KCNIP4: variants seen among roughly 807,000 people sequenced by gnomAD.
KCNIP4 encodes Kv channel-interacting protein 4.
A neutral mutation model predicts 34.0 loss-of-function variants in KCNIP4; 12 were observed. The observed-to-expected ratio is 0.35, with a 90% CI of 0.23 to 0.57. The LOEUF (loss-of-function observed/expected upper bound fraction) is 0.57. Among genes scored for constraint, KCNIP4 ranks in the 20% least tolerant of loss-of-function variants. The pLI, the probability that KCNIP4 is intolerant of heterozygous loss-of-function variation, is 0.83. For missense variants in KCNIP4, 238 were observed against 311.7 expected, an observed-to-expected ratio of 0.76 and a Z score of 1.78; for synonymous variants, 124 against 102.2, an observed-to-expected ratio of 1.21 and a Z score of -1.29.
intron 1 of KCNIP4, among the ~76,000 whole-genome samples, chr4:21,530,375 T>C (rs961622080): frequency 1.7e-4 from 26 of 152,332 alleles, no homozygotes; most frequent in Non-Finnish European, 3.1e-4. Context: ...AAACATTTTA[T>C]TTACAATTCA....
chr4:20,804,330 C>A (rs959484733), intron 3 of KCNIP4, among the ~76,000 whole-genome samples: 1 of 152,076 alleles, frequency 6.6e-6, no homozygotes, highest in Non-Finnish European at 1.5e-5. Context: ...TTCTTTTTAT[C>A]CCTTCAGTAA....
intron 1 of KCNIP4, among the ~76,000 whole-genome samples, chr4:21,765,101 C>T (rs1205406189): frequency 4.0e-5 from 6 of 151,336 alleles, no homozygotes; most frequent in Non-Finnish European, 5.9e-5. Flanking sequence ...AATATTAGTA[C>T]GAATTTAAAA....
chr4:21,316,489 T>C (rs776127906), intron 1 of KCNIP4: 8 of 152,212 alleles, frequency 5.3e-5, no homozygotes, highest in South Asian at 2.1e-4. Flanking sequence ...ACATTAAGCA[T>C]TTCAGGTGTC....
intron 1 of KCNIP4, among the ~76,000 whole-genome samples, chr4:21,425,045 GA>G (rs1170431909): frequency 6.6e-6 from 1 of 152,160 alleles, no homozygotes; most frequent in Non-Finnish European, 1.5e-5. Context: ...AAAATAATAT[GA>G]TGGGGGAAGG....
intron 1 of KCNIP4, among the ~76,000 whole-genome samples, chr4:21,225,964 A>G (rs563570422): frequency 6.6e-6 from 1 of 152,084 alleles, no homozygotes; most frequent in East Asian, 1.9e-4. Flanking sequence ...ACAATCTGTG[A>G]CAAAGCCATC....
intron 1 of KCNIP4, among the ~76,000 whole-genome samples, chr4:21,650,783 T>A (rs1747425657): frequency 6.6e-6 from 1 of 152,164 alleles, no homozygotes; most frequent in Admixed American, 6.5e-5. Flanking sequence ...AAGGTCAAAG[T>A]TATGATGTCA....
chr4:21,271,382 C>G (rs1762135713), intron 1 of KCNIP4, among the ~76,000 whole-genome samples: 1 of 152,136 alleles, frequency 6.6e-6, no homozygotes, highest in Non-Finnish European at 1.5e-5. Flanking sequence ...AAAGTAAAGA[C>G]TGTTGGTGGT....
intron 1 of KCNIP4, among the ~76,000 whole-genome samples, chr4:21,789,815 T>C (rs994583689): frequency 6.6e-6 from 1 of 152,226 alleles, no homozygotes; most frequent in African/African-American, 2.4e-5. Flanking sequence ...TTATTCCTTC[T>C]AGTTAAATAA....
At chr4:20,745,469 T>G (rs2149322094) in intron 5 of KCNIP4, among the ~76,000 whole-genome samples, 1 of 152,284 alleles carries the variant, frequency 6.6e-6, no homozygotes, top group East Asian at 1.9e-4. Context: ...CTTATAAGAC[T>G]TTTGCTCCGT....
intron 1 of KCNIP4, among the ~76,000 whole-genome samples, chr4:21,762,732 C>T (rs558854383): frequency 2.6e-5 from 4 of 152,222 alleles, no homozygotes; most frequent in East Asian, 1.9e-4. Flanking sequence ...ACTTTACCAG[C>T]GTCATTAGTG....
intron 1 of KCNIP4, among the ~76,000 whole-genome samples, chr4:21,218,212 A>G (rs1214100961): frequency 6.6e-6 from 1 of 151,616 alleles, no homozygotes; most frequent in Non-Finnish European, 1.5e-5. Context: ...ACAGAGTTTC[A>G]CCATGTTGGC....
intron 1 of KCNIP4, among the ~76,000 whole-genome samples, chr4:20,992,866 A>G (rs1737202501): frequency 6.6e-6 from 1 of 151,960 alleles, no homozygotes; most frequent in African/African-American, 2.4e-5. Context: ...TGTCTCTACT[A>G]AAAATACAAA....
At chr4:21,890,605 G>A (rs1727036630) in intron 1 of KCNIP4, among the ~76,000 whole-genome samples, 1 of 152,000 alleles carries the variant, frequency 6.6e-6, no homozygotes, top group Non-Finnish European at 1.5e-5. Flanking sequence ...CAAGGATGAG[G>A]AAGACACAGT....
chr4:21,764,024 T>C (rs898342341), intron 1 of KCNIP4, among the ~76,000 whole-genome samples: 1 of 152,156 alleles, frequency 6.6e-6, no homozygotes, highest in African/African-American at 2.4e-5. Context: ...AATGTGATTA[T>C]GTATTTTAGT....
chr4:20,897,248 A>G (rs951172362), intron 1 of KCNIP4, among the ~76,000 whole-genome samples: 1 of 151,432 alleles, frequency 6.6e-6, no homozygotes, highest in African/African-American at 2.4e-5. Context: ...CACCGCCCCT[A>G]AATCTCATCT....
intron 1 of KCNIP4, among the ~76,000 whole-genome samples, chr4:21,674,043 T>C (rs1011408942): frequency 1.3e-5 from 2 of 152,212 alleles, no homozygotes; most frequent in Non-Finnish European, 2.9e-5. Context: ...CAATGTCTTA[T>C]CAGAAAACTC....
chr4:21,152,901 C>T, intron 1 of KCNIP4, among the ~76,000 whole-genome samples: 1 of 152,162 alleles, frequency 6.6e-6, no homozygotes, highest in East Asian at 1.9e-4. Context: ...AATCCCCACC[C>T]CCCAACCCTG....
chr4:21,855,646 A>T (rs2109342598), intron 1 of KCNIP4: 1 of 152,196 alleles, frequency 6.6e-6, no homozygotes. Flanking sequence ...TCTTATCCAT[A>T]TACAATTGGC....
chr4:21,193,652 A>C (rs1755845118), intron 1 of KCNIP4, among the ~76,000 whole-genome samples: 1 of 145,710 alleles, frequency 6.9e-6, no homozygotes, highest in Admixed American at 7.0e-5. Context: ...GCTCACTGCA[A>C]GCTCCGCCTC....
Sources: gnomAD v4.1 joint callset for allele counts (sites outside exome capture counted in the v4.1 genomes callset) on GRCh38, gnomAD v4.1.1 for gene constraint, MANE v1.5 for transcripts, NCBI Gene and HGNC (gene_info 2026-07-23, HGNC 2026-07-21) for gene names.